RANBP10: variants seen among roughly 807,000 people sequenced by gnomAD.
RANBP10 encodes the protein ran-binding protein 10.
RANBP10 carries 24 observed loss-of-function variants against 72.8 expected under a neutral mutation model. The ratio of observed to expected loss-of-function variants is 0.33; its 90% CI spans 0.24 to 0.46. The LOEUF (loss-of-function observed/expected upper bound fraction) is 0.46. Among genes scored for constraint, RANBP10 ranks in the 20% least tolerant of loss-of-function variants. RANBP10 has a pLI of 1.00. For synonymous variants in RANBP10, 310 were observed against 322.3 expected, an observed-to-expected ratio of 0.96 and a Z score of 0.41; for missense variants, 679 against 817.5, an observed-to-expected ratio of 0.83 and a Z score of 2.07.
At chr16:67,772,576 G>T (rs185985591) in intron 2 of RANBP10, among the ~76,000 whole-genome samples, 6 of 152,288 alleles carry the variant, frequency 3.9e-5, no homozygotes, top group African/African-American at 1.4e-4. Flanking sequence ...AAACGAGCTT[G>T]TTCTCTGGGT....
rs779051363 is a variant in RANBP10, at chr16:67,738,066, C to T, written c.569-31G>A. On this transcript the variant is annotated intron_variant, in intron 4 of 13. Transcript: ENST00000317506. The stretch of plus-strand genomic sequence containing the variant: ...GGGGGAAAGGAACAGTCATCAGGGC[C>T]AGCCCCTGGGGCTACTCTGCCTCTG... The T allele has an allele frequency of 2.5e-6, 4 of 1,574,316 alleles. No homozygotes were observed. The South Asian group carries it at 4.6e-5, about 18-fold the overall frequency.
intron 2 of RANBP10, among the ~76,000 whole-genome samples, chr16:67,796,676 T>A (rs147833695): frequency 1.3e-5 from 2 of 152,292 alleles, no homozygotes; most frequent in East Asian, 3.9e-4. Flanking sequence ...TTGCCACCCC[T>A]GACCTAAACT....
At position 67,725,852 on chromosome 16, in the gene RANBP10, A is replaced by G. The variant is rs2053587584; in HGVS notation, c.*576T>C. The G allele has an allele frequency of 6.6e-6, 1 of 152,512 alleles. No individual in the cohort carries two copies. The highest frequency in any genetic ancestry group is 2.4e-5 in the African/African-American group (1 of 41,414). The allele number at this position is 152,512 out of a possible 1,614,324, so 9.4% of individuals were successfully genotyped here. On this transcript the variant is annotated 3_prime_UTR_variant, in exon 14 of 14. Transcript: ENST00000317506. ...AAATCACTTGGCTGAGGTGACAGAGATTCTTCTTTTTTAATGAGTTGGACT... is the reference window on the plus strand; with the variant it reads ...AAATCACTTGGCTGAGGTGACAGAGGTTCTTCTTTTTTAATGAGTTGGACT...
chr16:67,791,323 A>G (rs2055023933), intron 2 of RANBP10, among the ~76,000 whole-genome samples: 2 of 152,108 alleles, frequency 1.3e-5, no homozygotes, highest in South Asian at 2.1e-4. Flanking sequence ...CAGTTTTACC[A>G]ATTTCTTTTT....
intron 1 of RANBP10, 43 bp downstream of exon 1, chr16:67,806,259 G>A (rs1284700813): frequency 2.0e-6 from 3 of 1,537,318 alleles, no homozygotes; most frequent in Non-Finnish European, 2.6e-6. Flanking sequence ...GCCACCCCAC[G>A]GACGCTCTAG....
chr16:67,798,739 A>C (rs921955699), intron 2 of RANBP10, among the ~76,000 whole-genome samples: 4 of 152,138 alleles, frequency 2.6e-5, no homozygotes, highest in Non-Finnish European at 5.9e-5. Flanking sequence ...ACCATGCTAG[A>C]GCCAAAGACC....
At chr16:67,762,660 G>A (rs1239271386) in intron 3 of RANBP10, 1 of 152,254 alleles carries the variant, frequency 6.6e-6, no homozygotes, top group Non-Finnish European at 1.5e-5. Flanking sequence ...CACAATCAGT[G>A]CCATAATGAT....
In RANBP10 at chr16:67,727,502, G is replaced by A. The variant is rs2053628130; in HGVS notation, c.1621-64C>T. 9 of 1,479,300 alleles carry A rather than the reference G, an allele frequency of 6.1e-6. No homozygotes were observed. The Admixed American group carries it at 1.6e-4, about 26-fold the overall frequency. The allele number at this position is 1,479,300 out of a possible 1,614,324, so 91.6% of individuals were successfully genotyped here. A position where few individuals can be genotyped will look rare whatever the true frequency, so the allele number is the denominator to read the frequency against. ...ACCATAGCTCACCCTGCTACCCGTG[G>A]CTCCAGAGGGAGACAGGGCCCTGCA... On this transcript the variant is annotated intron_variant, in intron 12 of 13. Coordinates refer to ENST00000317506, the MANE Select transcript of RANBP10 (RefSeq NM_020850.3).
At chr16:67,737,675 C>A (rs541461245) in intron 5 of RANBP10, among the ~76,000 whole-genome samples, 23 of 152,234 alleles carry the variant, frequency 1.5e-4, no homozygotes, top group Middle Eastern at 6.8e-3. Context: ...CAATTCCCTA[C>A]ACTCTGCACC....
At position 67,731,550 on chromosome 16, in the gene RANBP10, A is replaced by C. The variant is rs1390607304; in HGVS notation, c.811T>G (p.Cys271Gly). 1 of 1,614,226 alleles carries C rather than the reference A, an allele frequency of 6.2e-7. No homozygotes were observed. Among genetic ancestry groups the C allele is most frequent in the Admixed American group, 1.7e-5 (1 of 60,030 alleles). Residue 271 changes from cysteine to glycine, a missense_variant, in exon 7 of 14, where the codon TGT (cysteine) becomes GGT (glycine). Coordinates refer to ENST00000317506, the MANE Select transcript of RANBP10 (RefSeq NM_020850.3). The stretch of plus-strand genomic sequence containing the variant: ...CGAGCAAAAGCCGTGGCTGTGGCAC[A>C]ATACCCATGATGCACGAGGTAAGAT... ...VSSYLVHHGY[C>G]ATATAFARMT...
At position 67,728,383 on chromosome 16, in the gene RANBP10, C is replaced by A. The variant is rs761268258; in HGVS notation, c.1474+7G>T. ...CAAAGAATAGCACACCGGGCCGTGG[C>A]TCTCACCCATGCTGGACTCATCCGT... On this transcript the variant is annotated splice_region_variant and intron_variant, in intron 11 of 13. Transcript: ENST00000317506. The A allele has an allele frequency of 1.9e-5, 30 of 1,613,630 alleles. No homozygotes were observed. The highest frequency in any genetic ancestry group is 2.7e-5 in the African/African-American group (2 of 74,938).
At chr16:67,789,004 GA>G (rs762821239) in intron 2 of RANBP10, among the ~76,000 whole-genome samples, 4,424 of 107,082 alleles carry the variant, frequency 0.041, 95 homozygotes, top group Middle Eastern at 0.29. Flanking sequence ...CTCAAAAGAG[GA>G]AAAAAAAAAA....
chr16:67,767,849 G>A (rs887028270), intron 3 of RANBP10, among the ~76,000 whole-genome samples: 1 of 151,998 alleles, frequency 6.6e-6, no homozygotes, highest in Non-Finnish European at 1.5e-5. Context: ...ACCCGCCTTG[G>A]CCTCCCAAAG....
At chr16:67,764,169 G>A (rs2054453075) in intron 3 of RANBP10, among the ~76,000 whole-genome samples, 1 of 152,184 alleles carries the variant, frequency 6.6e-6, no homozygotes, top group Non-Finnish European at 1.5e-5. Context: ...GTTCTTGTTG[G>A]TTTCAAACAC....
intron 2 of RANBP10, among the ~76,000 whole-genome samples, chr16:67,790,150 A>G (rs2054997256): frequency 6.6e-6 from 1 of 151,774 alleles, no homozygotes. Context: ...ATGCCACAAC[A>G]CAGATAAACC....
intron 4 of RANBP10, among the ~76,000 whole-genome samples, chr16:67,741,304 T>A (rs1261218564): frequency 1.3e-5 from 2 of 152,100 alleles, no homozygotes; most frequent in Non-Finnish European, 2.9e-5. Context: ...CCAGGAAGGA[T>A]AAGGCCTTGA....
intron 2 of RANBP10, among the ~76,000 whole-genome samples, chr16:67,802,223 T>C (rs1221568019): frequency 1.3e-5 from 2 of 152,156 alleles, no homozygotes; most frequent in African/African-American, 4.8e-5. Flanking sequence ...ATCCCAGCCA[T>C]GGGAAGGCTT....
Position 67,730,567 on chromosome 16 carries a change from T to C in RANBP10, c.890-521A>G, listed in dbSNP as rs977588866. ...GGAGAGGAGGCCATCCTCCTCATGC[T>C]GGCACCTCTGATGTTGACACCTCTC... On this transcript the variant is annotated intron_variant, in intron 7 of 13. Transcript: ENST00000317506. The surrounding 1 kb of genome is among the most constrained non-coding windows in gnomAD (Gnocchi z 4.3). Among the ~76,000 whole-genome samples the C allele has an allele frequency of 2.6e-5, 4 of 152,346 alleles. No individual in the cohort carries two copies. The highest frequency in any genetic ancestry group is 5.9e-5 in the Non-Finnish European group (4 of 68,026).
chr16:67,781,062 A>G (rs971474469), intron 2 of RANBP10, among the ~76,000 whole-genome samples: 1 of 152,224 alleles, frequency 6.6e-6, no homozygotes, highest in African/African-American at 2.4e-5. Context: ...TTTATCAGCT[A>G]TTACCTTGAG....
Sources: allele counts gnomAD v4.1 joint callset (sites outside exome capture counted in the v4.1 genomes callset), GRCh38; gene constraint gnomAD v4.1.1; non-coding constraint Gnocchi (gnomAD v3.1); transcripts MANE v1.5; gene names NCBI Gene and HGNC (gene_info 2026-07-23, HGNC 2026-07-21).